The following FAM210A variants were observed in gnomAD, a reference collection of about 807,000 sequenced individuals.
FAM210A encodes mitochondrial inner membrane scaffold 1.
FAM210A carries 13 observed loss-of-function variants against 25.3 expected under a neutral mutation model. That is an observed-to-expected ratio of 0.51 (90% CI 0.33 to 0.82). The LOEUF (loss-of-function observed/expected upper bound fraction) is 0.82. Among genes scored for constraint, FAM210A ranks in the 40% least tolerant of loss-of-function variants. The pLI, the probability that FAM210A is intolerant of heterozygous loss-of-function variation, is 0.02. For missense variants in FAM210A, 319 were observed against 323.2 expected (o/e 0.99, Z 0.10); for synonymous variants, 125 against 118.7 (o/e 1.05, Z -0.35).
chr18:13,706,137 C>T (rs769739618), intron 1 of FAM210A, among the ~76,000 whole-genome samples: 2 of 152,126 alleles, frequency 1.3e-5, no homozygotes, highest in Non-Finnish European at 2.9e-5. Context: ...CATAATCTCA[C>T]AATAGAGAAG....
chr18:13,704,089 T>G (rs2043760491), intron 1 of FAM210A, among the ~76,000 whole-genome samples: 1 of 152,168 alleles, frequency 6.6e-6, no homozygotes, highest in Non-Finnish European at 1.5e-5. Flanking sequence ...GAAAGAAATT[T>G]ATGCACCAAA....
At chr18:13,704,553 C>T (rs112681540) in intron 1 of FAM210A, among the ~76,000 whole-genome samples, 32 of 152,174 alleles carry the variant, frequency 2.1e-4, no homozygotes, top group African/African-American at 6.3e-4. Context: ...GATAGGCTTC[C>T]GAAAATCAAA....
In FAM210A at chr18:13,671,986, A is replaced by G. The variant is rs1302411717; in HGVS notation, c.474-13T>C. On this transcript the variant is annotated splice_polypyrimidine_tract_variant and intron_variant, in intron 2 of 3. Transcript: ENST00000651643. ...GACATTCACTCCTCTACAAAAAAAA[A>G]AAAGTAATTTTCATATGTACAAACT... The G allele has an allele frequency of 1.9e-6, 3 of 1,568,544 alleles. No individual in the cohort carries two copies. The highest frequency in any genetic ancestry group is 2.6e-6 in the Non-Finnish European group (3 of 1,146,928).
chr18:13,724,043 A>C (rs755443616), intron 1 of FAM210A, among the ~76,000 whole-genome samples: 1 of 152,106 alleles, frequency 6.6e-6, no homozygotes, highest in Admixed American at 6.6e-5. Flanking sequence ...CTACAACAGA[A>C]ATCACACTTT....
At chr18:13,685,217 CAGAT>C (rs768592047) in intron 1 of FAM210A, among the ~76,000 whole-genome samples, 1 of 151,536 alleles carries the variant, frequency 6.6e-6, no homozygotes, top group South Asian at 2.1e-4. Context: ...CATCACATGA[CAGAT>C]AGAGAAGGAA....
intron 2 of FAM210A, among the ~76,000 whole-genome samples, chr18:13,678,556 C>T (rs1402545088): frequency 6.6e-6 from 1 of 152,234 alleles, no homozygotes; most frequent in African/African-American, 2.4e-5. Flanking sequence ...TCCCAAAGTG[C>T]TGGGATTACA....
chr18:13,710,848 A>ATAACTC (rs1198140284), intron 1 of FAM210A, among the ~76,000 whole-genome samples: 1 of 152,204 alleles, frequency 6.6e-6, no homozygotes, highest in Non-Finnish European at 1.5e-5. Flanking sequence ...GATTTGAGTA[A>ATAACTC]TAACTCTATC....
At chr18:13,721,651 T>C (rs2043898320) in intron 1 of FAM210A, among the ~76,000 whole-genome samples, 1 of 152,178 alleles carries the variant, frequency 6.6e-6, no homozygotes, top group African/African-American at 2.4e-5. Context: ...TGCCAGTTGC[T>C]GAGTATGTCT....
chr18:13,693,472 G>A (rs2043666813), intron 1 of FAM210A, among the ~76,000 whole-genome samples: 1 of 152,198 alleles, frequency 6.6e-6, no homozygotes, highest in Admixed American at 6.5e-5. Context: ...TATCCCTGAT[G>A]AACATCGATG....
chr18:13,681,287 T>C (rs1411317383), intron 2 of FAM210A, among the ~76,000 whole-genome samples: 3 of 152,172 alleles, frequency 2.0e-5, no homozygotes, highest in Non-Finnish European at 4.4e-5. Flanking sequence ...AACTGAGTTA[T>C]TTTGGGAAAA....
Position 13,718,716 on chromosome 18 carries a change from T to C in FAM210A, c.-29+7613A>G, listed in dbSNP as rs1339587962. 2.6e-5 allele frequency among the ~76,000 whole-genome samples: 4 copies of C among 152,228 alleles called. 1 individual carries two copies. Among genetic ancestry groups the C allele is most frequent in the Admixed American group, 2.6e-4 (4 of 15,286 alleles). ...TTATTGTTACTAGTTAACTAAAACA[T>C]GCTTAGCAATAGGAATTTACTTGAT... On this transcript the variant is annotated intron_variant, in intron 1 of 3. Transcript: ENST00000651643.
chr18:13,671,304 A>T (rs900183342), intron 3 of FAM210A, among the ~76,000 whole-genome samples: 2 of 152,148 alleles, frequency 1.3e-5, no homozygotes, highest in Admixed American at 6.5e-5. Flanking sequence ...AAAACAAAAA[A>T]CAGTAAAATA....
chr18:13,688,744 T>C (rs535442217), intron 1 of FAM210A, among the ~76,000 whole-genome samples: 1 of 152,348 alleles, frequency 6.6e-6, no homozygotes, highest in South Asian at 2.1e-4. Context: ...ATGGCGGAGC[T>C]AAGGCAGCAC....
chr18:13,668,581 C>G (rs1023502611), intron 3 of FAM210A, among the ~76,000 whole-genome samples: 2 of 147,044 alleles, frequency 1.4e-5, no homozygotes, highest in East Asian at 3.8e-4. Context: ...AGGTGAGTCA[C>G]TTAATGGGGA....
chr18:13,694,804 T>C (rs1476042197), intron 1 of FAM210A, among the ~76,000 whole-genome samples: 1 of 152,192 alleles, frequency 6.6e-6, no homozygotes, highest in African/African-American at 2.4e-5. Context: ...GACATAGGCA[T>C]GGGCAAGGAC....
At chr18:13,709,066 G>A (rs759870609) in intron 1 of FAM210A, among the ~76,000 whole-genome samples, 5 of 152,236 alleles carry the variant, frequency 3.3e-5, no homozygotes, top group Non-Finnish European at 5.9e-5. Flanking sequence ...TGTCTGCTCC[G>A]TGACAGTCCA....
chr18:13,725,999 G>C (rs1427316887), intron 1 of FAM210A, among the ~76,000 whole-genome samples: 2 of 152,180 alleles, frequency 1.3e-5, no homozygotes, highest in South Asian at 2.1e-4. Context: ...GGCGCTTCCG[G>C]GCCCCTCTTC....
intron 1 of FAM210A, chr18:13,710,513 T>A (rs1381321286): frequency 6.6e-6 from 1 of 152,240 alleles, no homozygotes; most frequent in African/African-American, 2.4e-5. Flanking sequence ...TATAATCCCT[T>A]ACTTCATGAG....
intron 3 of FAM210A, among the ~76,000 whole-genome samples, chr18:13,670,043 C>T (rs189136052): frequency 4.2e-4 from 64 of 152,274 alleles, no homozygotes; most frequent in Non-Finnish European, 8.2e-4. Flanking sequence ...CCTACCATGA[C>T]GCCTACAGCC....
Sources: gnomAD v4.1 joint callset for allele counts (sites outside exome capture counted in the v4.1 genomes callset) on GRCh38, gnomAD v4.1.1 for gene constraint, MANE v1.5 for transcripts, NCBI Gene and HGNC (gene_info 2026-07-23, HGNC 2026-07-21) for gene names.